UBR1: variants seen among roughly 807,000 people sequenced by gnomAD.
The protein encoded by UBR1 is E3 ubiquitin-protein ligase UBR1.
A neutral mutation model predicts 242.1 loss-of-function variants in UBR1; 102 were observed. The ratio of observed to expected loss-of-function variants is 0.42; its 90% CI spans 0.36 to 0.50. UBR1 has a LOEUF of 0.50. Ranked by LOEUF, UBR1 falls within the 20% of genes least tolerant of loss-of-function variation. UBR1 has a pLI of 0.01. For missense variants in UBR1, 1,772 were observed against 2,101.8 expected, an observed-to-expected ratio of 0.84 and a Z score of 3.07; for synonymous variants, 675 against 684.8, an observed-to-expected ratio of 0.99 and a Z score of 0.22.
At chr15:42,973,587 C>T (rs1204890006) in intron 39 of UBR1, among the ~76,000 whole-genome samples, 1 of 147,692 alleles carries the variant, frequency 6.8e-6, no homozygotes, top group Non-Finnish European at 1.5e-5. Context: ...AACCACAGCA[C>T]CCGGCCTCAT....
chr15:42,959,219 A>G (rs1019423961), intron 43 of UBR1, among the ~76,000 whole-genome samples: 8 of 151,738 alleles, frequency 5.3e-5, no homozygotes, highest in Admixed American at 4.6e-4. Context: ...GCAAACCTAG[A>G]CACTTTTTGG....
At chr15:42,999,098 G>A (rs1035628561) in intron 32 of UBR1, among the ~76,000 whole-genome samples, 4 of 151,774 alleles carry the variant, frequency 2.6e-5, no homozygotes, top group Non-Finnish European at 4.4e-5. Flanking sequence ...CTGCCACCAC[G>A]CCCAGCTAAT....
intron 3 of UBR1, among the ~76,000 whole-genome samples, chr15:43,078,438 A>T (rs2033933408): frequency 6.6e-6 from 1 of 152,198 alleles, no homozygotes; most frequent in African/African-American, 2.4e-5. Context: ...GGAAGAACTG[A>T]CAGAAGAGAG....
At chr15:43,046,454 A>C (rs4923956) in intron 14 of UBR1, among the ~76,000 whole-genome samples, 83,793 of 151,970 alleles carry the variant, frequency 0.55, 27,176 homozygotes, top group Non-Finnish European at 0.71. Flanking sequence ...AGTAGGAAAC[A>C]CAAGTCCAGA....
At chr15:43,084,802 T>C (rs2034015116) in intron 2 of UBR1, among the ~76,000 whole-genome samples, 1 of 152,214 alleles carries the variant, frequency 6.6e-6, no homozygotes, top group Admixed American at 6.5e-5. Context: ...AAAGATAGTA[T>C]GTTCTAAACA....
At position 42,958,000 on chromosome 15, in the gene UBR1, A is replaced by G; in HGVS notation, c.4835+13T>C. The G allele has an allele frequency of 1.2e-6, 2 of 1,602,524 alleles. No homozygotes were observed. Among genetic ancestry groups the G allele is most frequent in the Non-Finnish European group, 1.7e-6 (2 of 1,170,292 alleles). On this transcript the variant is annotated intron_variant, in intron 44 of 46. Coordinates refer to ENST00000290650, the MANE Select transcript of UBR1 (RefSeq NM_174916.3). ...TTTAAAATTACACACATATATATACACACTCTCCTTACCTGAAATGAGAAG... is the reference window on the plus strand; with the variant it reads ...TTTAAAATTACACACATATATATACGCACTCTCCTTACCTGAAATGAGAAG...
intron 37 of UBR1, among the ~76,000 whole-genome samples, chr15:42,979,003 T>A (rs1176449824): frequency 6.6e-6 from 1 of 150,838 alleles, no homozygotes; most frequent in African/African-American, 2.4e-5. Context: ...CAAGCGATTC[T>A]CTTGCCTCAG....
chr15:43,098,284 G>A (rs1187002167), intron 1 of UBR1, among the ~76,000 whole-genome samples: 1 of 152,124 alleles, frequency 6.6e-6, no homozygotes, highest in Admixed American at 6.5e-5. Context: ...AACATCAAAG[G>A]TCACTGATCA....
intron 44 of UBR1, among the ~76,000 whole-genome samples, chr15:42,955,531 A>G (rs964940712): frequency 2.6e-5 from 4 of 152,218 alleles, no homozygotes; most frequent in African/African-American, 9.6e-5. Flanking sequence ...TCTTTTAATT[A>G]CAAGTTACTA....
At chr15:43,026,376 A>G (rs985849545) in intron 23 of UBR1, 185 bp downstream of exon 23, 16 of 567,778 alleles carry the variant, frequency 2.8e-5, no homozygotes, top group Non-Finnish European at 5.0e-5. Context: ...TAGTATAATC[A>G]GGAAAATCTG....
intron 15 of UBR1, among the ~76,000 whole-genome samples, 184 bp downstream of exon 15, chr15:43,043,031 G>A (rs1287791586): frequency 6.6e-6 from 1 of 152,128 alleles, no homozygotes; most frequent in Admixed American, 6.5e-5. Flanking sequence ...AGGTAAATAA[G>A]CAGCTTTAAA....
chr15:42,974,092 G>C (rs1249325308), intron 39 of UBR1, among the ~76,000 whole-genome samples: 1 of 151,832 alleles, frequency 6.6e-6, no homozygotes, highest in East Asian at 1.9e-4. Context: ...GTTTCACCGT[G>C]TTAGCCAGGA....
At chr15:43,003,956 A>T in intron 30 of UBR1, 26 bp from the exon 31 acceptor site, 4 of 1,600,300 alleles carry the variant, frequency 2.5e-6, no homozygotes, top group Non-Finnish European at 3.4e-6. Flanking sequence ...AAAAGGAGGG[A>T]AAAAGAGAGA....
chr15:43,061,405 C>T (rs530603948), intron 6 of UBR1, among the ~76,000 whole-genome samples: 7 of 152,190 alleles, frequency 4.6e-5, no homozygotes, highest in Admixed American at 3.3e-4. Flanking sequence ...AGTCATTATA[C>T]GAAAAAAGAT....
rs377004812 is a variant in UBR1 at position 43,070,966 on chromosome 15, T to C, written c.529-41A>G. The stretch of plus-strand genomic sequence containing the variant: ...GAAAAACATACTAGTCAAGATTGTA[T>C]ACAAATAAATGGATAAGGAAGGTAA... On this transcript the variant is annotated intron_variant, in intron 4 of 46. Coordinates refer to ENST00000290650, the MANE Select transcript of UBR1 (RefSeq NM_174916.3). 6.9e-5 allele frequency: 111 copies of C among 1,605,982 alleles called. 2 individuals carry two copies. The African/African-American group carries it at 1.1e-3, about 16-fold the overall frequency.
In UBR1 at chr15:43,012,051, C is replaced by T. The variant is rs996564386; in HGVS notation, c.3209+3637G>A. The T allele has an allele frequency of 1.1e-5, 3 of 264,670 alleles. No individual in the cohort carries two copies. The Admixed American group carries it at 1.4e-4, about 12-fold the overall frequency. 16.4% of individuals were successfully genotyped at this position (264,670 alleles called of 1,614,324 possible). On this transcript the variant is annotated intron_variant, in intron 29 of 46. Transcript: ENST00000290650. ...ACCATCCTGGCTAACACAGTGAAACCCCCTCTCTACTAAAAATACAAAAAA... is the reference window on the plus strand; with the variant it reads ...ACCATCCTGGCTAACACAGTGAAACTCCCTCTCTACTAAAAATACAAAAAA...
intron 14 of UBR1, among the ~76,000 whole-genome samples, chr15:43,045,269 G>A (rs925439839): frequency 3.3e-4 from 50 of 151,962 alleles, no homozygotes; most frequent in African/African-American, 1.2e-3. Context: ...AGACTAGCCT[G>A]GGCAACACAG....
intron 27 of UBR1, 198 bp downstream of exon 27, chr15:43,021,077 A>C (rs1356763783): frequency 1.1e-5 from 5 of 471,776 alleles, no homozygotes; most frequent in African/African-American, 6.0e-5. Flanking sequence ...AAATAACGAC[A>C]AAAAAAATGA....
chr15:42,951,494 A>G lies in UBR1; in HGVS notation c.5006+784T>C, dbSNP rs889052340. On this transcript the variant is annotated intron_variant, in intron 45 of 46. Coordinates refer to ENST00000290650, the MANE Select transcript of UBR1 (RefSeq NM_174916.3). ...GCCTCGGGCCTCCCAAAGTGTTGGGATTAAAGGCGAGAGCCACCGCGCCCG... is the reference window on the plus strand; with the variant it reads ...GCCTCGGGCCTCCCAAAGTGTTGGGGTTAAAGGCGAGAGCCACCGCGCCCG... 5.3e-5 allele frequency among the ~76,000 whole-genome samples: 8 copies of G among 152,190 alleles called. 1 individual carries two copies. Among genetic ancestry groups the G allele is most frequent in the Admixed American group, 3.9e-4 (6 of 15,282 alleles).
Sources: gnomAD v4.1 joint callset for allele counts (sites outside exome capture counted in the v4.1 genomes callset) on GRCh38, gnomAD v4.1.1 for gene constraint, MANE v1.5 for transcripts, NCBI Gene and HGNC (gene_info 2026-07-23, HGNC 2026-07-21) for gene names.